CAPRIN1: variants seen among roughly 807,000 people sequenced by gnomAD.
CAPRIN1 encodes the protein caprin-1.
Under a neutral mutation model 100.9 loss-of-function variants are expected in CAPRIN1, and 29 were observed. The ratio of observed to expected loss-of-function variants is 0.29; its 90% CI spans 0.21 to 0.39. The LOEUF (loss-of-function observed/expected upper bound fraction) is 0.39, where lower values mean the gene tolerates loss of function less well. CAPRIN1 is among the 10% of genes least tolerant of loss of function. The probability of loss-of-function intolerance (pLI) is 1.00; values close to 1 mark genes in which losing one functional copy is unlikely to be tolerated. For missense variants in CAPRIN1, 795 were observed against 876.7 expected, an observed-to-expected ratio of 0.91 and a Z score of 1.18; for synonymous variants, 338 against 307.5, an observed-to-expected ratio of 1.10 and a Z score of -1.04.
chr11:34,064,059 C>T (rs375144688), intron 2 of CAPRIN1, among the ~76,000 whole-genome samples: 19 of 152,246 alleles, frequency 1.2e-4, no homozygotes, highest in East Asian at 9.7e-4. Context: ...TGAGCCACCG[C>T]GCCTGGCCTG....
At chr11:34,070,644 C>T (rs1167371962) in intron 2 of CAPRIN1, among the ~76,000 whole-genome samples, 1 of 152,120 alleles carries the variant, frequency 6.6e-6, no homozygotes, top group African/African-American at 2.4e-5. Context: ...GATCCACCCA[C>T]CTTGGCCTTC....
rs759271294 is a variant in CAPRIN1 at position 34,090,337 on chromosome 11, T to A, written c.1404+48T>A. The A allele has an allele frequency of 3.0e-6, 4 of 1,331,600 alleles. No homozygotes were observed. The East Asian group carries it at 9.2e-5, about 31-fold the overall frequency. 82.5% of individuals were successfully genotyped at this position (1,331,600 alleles called of 1,614,324 possible). A position where few individuals can be genotyped will look rare whatever the true frequency, so the allele number is the denominator to read the frequency against. On this transcript the variant is annotated intron_variant, in intron 13 of 18. Transcript: ENST00000341394. ...ATACATTTGATGAGGCACTTACTCATGAATTGAACAGATGTACATTACCAT... is the reference window on the plus strand; with the variant it reads ...ATACATTTGATGAGGCACTTACTCAAGAATTGAACAGATGTACATTACCAT...
At chr11:34,056,906 G>A (rs1446058687) in intron 2 of CAPRIN1, among the ~76,000 whole-genome samples, 1 of 152,188 alleles carries the variant, frequency 6.6e-6, no homozygotes, top group Non-Finnish European at 1.5e-5. Flanking sequence ...ATAGCCAGAA[G>A]TGTAGTGTTT....
At chr11:34,077,616 G>T (rs1850933349) in intron 6 of CAPRIN1, among the ~76,000 whole-genome samples, 1 of 152,138 alleles carries the variant, frequency 6.6e-6, no homozygotes, top group Admixed American at 6.5e-5. Context: ...CATTTATAAG[G>T]TTGCATTAGG....
chr11:34,082,213 G>A (rs1851046694), intron 7 of CAPRIN1, among the ~76,000 whole-genome samples: 1 of 151,974 alleles, frequency 6.6e-6, no homozygotes, highest in South Asian at 2.1e-4. Flanking sequence ...TTGAGATGGA[G>A]TTTTGCTCTT....
intron 15 of CAPRIN1, among the ~76,000 whole-genome samples, chr11:34,094,820 A>G (rs2134136639): frequency 6.6e-6 from 1 of 152,122 alleles, no homozygotes; most frequent in Middle Eastern, 3.4e-3. Context: ...AGTGAAAATT[A>G]AATAAAATAA....
chr11:34,064,709 A>G (rs912566891), intron 2 of CAPRIN1, among the ~76,000 whole-genome samples: 2 of 152,218 alleles, frequency 1.3e-5, no homozygotes, highest in Non-Finnish European at 2.9e-5. Flanking sequence ...AGATTTAACA[A>G]AAGTACTACT....
intron 9 of CAPRIN1, among the ~76,000 whole-genome samples, chr11:34,084,041 C>T (rs1851086168): frequency 6.6e-6 from 1 of 152,098 alleles, no homozygotes; most frequent in Admixed American, 6.5e-5. Flanking sequence ...TGCATTCCAA[C>T]CTGGTTGACA....
intron 2 of CAPRIN1, among the ~76,000 whole-genome samples, chr11:34,069,659 A>AAAT (rs139488088): frequency 6.6e-6 from 1 of 151,754 alleles, no homozygotes; most frequent in African/African-American, 2.4e-5. Flanking sequence ...GTAAAAAAAA[A>AAAT]TTTTTTTCCC....
chr11:34,095,597 G>C (rs191145912), intron 15 of CAPRIN1, among the ~76,000 whole-genome samples: 4 of 152,348 alleles, frequency 2.6e-5, no homozygotes, highest in African/African-American at 7.2e-5. Context: ...CCCAAAAGGG[G>C]AGATTTGGGT....
chr11:34,099,407 T>G lies in CAPRIN1; in HGVS notation c.*40T>G. On this transcript the variant is annotated 3_prime_UTR_variant, in exon 19 of 19. Transcript: ENST00000341394. Reference sequence around the variant, plus strand: ...TTATGTTTAATCGCCAAAAACACACTGGCCAGTGTACCATAATATGTTACC... The same window carrying G: ...TTATGTTTAATCGCCAAAAACACACGGGCCAGTGTACCATAATATGTTACC... The G allele has an allele frequency of 1.3e-6, 2 of 1,486,204 alleles. No individual in the cohort carries two copies. Among genetic ancestry groups the G allele is most frequent in the African/African-American group, 1.4e-5 (1 of 72,584 alleles). 92.1% of individuals were successfully genotyped at this position (1,486,204 alleles called of 1,614,324 possible).
chr11:34,052,808 C>G (rs1375896883), intron 2 of CAPRIN1, 172 bp downstream of exon 2: 2 of 1,451,432 alleles, frequency 1.4e-6, no homozygotes, highest in East Asian at 5.0e-5. Context: ...AGCTTCGTGC[C>G]CAGAAAACGG....
intron 9 of CAPRIN1, among the ~76,000 whole-genome samples, chr11:34,083,795 C>T (rs766587126): frequency 1.9e-4 from 29 of 152,128 alleles, no homozygotes; most frequent in Non-Finnish European, 3.2e-4. Context: ...TGGCCGGGCA[C>T]GGTGGTTCAT....
chr11:34,089,570 C>T, intron 12 of CAPRIN1, 114 bp downstream of exon 12: 3 of 531,132 alleles, frequency 5.6e-6, no homozygotes, highest in Non-Finnish European at 3.4e-6. Flanking sequence ...AGTTCAAGAC[C>T]AGTCTGGGCA....
intron 14 of CAPRIN1, 188 bp from the exon 15 acceptor site, chr11:34,091,718 A>G (rs1851268943): frequency 3.6e-6 from 2 of 555,860 alleles, no homozygotes; most frequent in South Asian, 2.4e-5. Context: ...TAAGTACTAT[A>G]TGGTATATAT....
At chr11:34,053,950 T>C (rs527957712) in intron 2 of CAPRIN1, among the ~76,000 whole-genome samples, 2 of 152,314 alleles carry the variant, frequency 1.3e-5, no homozygotes, top group African/African-American at 2.4e-5. Context: ...GGAAAACATA[T>C]TTATAACATC....
intron 17 of CAPRIN1, 50 bp downstream of exon 17, chr11:34,097,346 A>C (rs1851387581): frequency 7.3e-7 from 1 of 1,376,652 alleles, no homozygotes; most frequent in African/African-American, 1.4e-5. Flanking sequence ...ATACCAATGA[A>C]AGTGACTTAG....
In CAPRIN1 at chr11:34,100,822, G is replaced by T. The variant is rs2982590; in HGVS notation, c.*1455G>T. On this transcript the variant is annotated 3_prime_UTR_variant, in exon 19 of 19. Transcript: ENST00000341394. ...TTTGAGCACTAGTTCTGTGTGCCTAGGAAGTTAATGCTGCTTATTGTCTCA... is the reference window on the plus strand; with the variant it reads ...TTTGAGCACTAGTTCTGTGTGCCTATGAAGTTAATGCTGCTTATTGTCTCA... The T allele has an allele frequency of 1, 152,725 of 152,786 alleles. 76,332 individuals are homozygous for T. The highest frequency in any genetic ancestry group is 1 in the Non-Finnish European group (68,032 of 68,032). 9.5% of individuals were successfully genotyped at this position (152,786 alleles called of 1,614,324 possible). A position where few individuals can be genotyped will look rare whatever the true frequency, so the allele number is the denominator to read the frequency against.
At chr11:34,090,100 G>A (rs1590744410) in intron 12 of CAPRIN1, 79 bp from the exon 13 acceptor site, 3 of 723,826 alleles carry the variant, frequency 4.1e-6, no homozygotes, top group South Asian at 1.8e-5. Flanking sequence ...TTAGCCTTAT[G>A]CGTCTTAGAG....
Sources: allele counts gnomAD v4.1 joint callset (sites outside exome capture counted in the v4.1 genomes callset), GRCh38; gene constraint gnomAD v4.1.1; transcripts MANE v1.5; gene names NCBI Gene and HGNC (gene_info 2026-07-23, HGNC 2026-07-21).